The following TULP4 variants were observed in gnomAD, a reference collection of about 807,000 sequenced individuals.
TULP4 encodes TUB like protein 4, also known as tubby-related protein 4.
A neutral mutation model predicts 129.0 loss-of-function variants in TULP4; 16 were observed. The observed-to-expected ratio is 0.12, with a 90% CI of 0.08 to 0.19. The LOEUF is 0.19. Ranked by LOEUF, TULP4 falls within the 10% of genes least tolerant of loss-of-function variation. The probability of loss-of-function intolerance (pLI) is 1.00; values close to 1 mark genes in which losing one functional copy is unlikely to be tolerated. For synonymous variants in TULP4, 998 were observed against 854.0 expected (o/e 1.17, Z -2.94); for missense variants, 1,842 against 2,059.1 (o/e 0.89, Z 2.04).
intron 1 of TULP4, among the ~76,000 whole-genome samples, chr6:158,381,146 G>A (rs1324787099): frequency 8.5e-6 from 1 of 117,326 alleles, no homozygotes; most frequent in Non-Finnish European, 1.8e-5. Context: ...CAAGAAGATA[G>A]GTGCTTTATG....
At chr6:158,308,603 C>T (rs1208903470), upstream of TULP4, among the ~76,000 whole-genome samples, 13 of 150,218 alleles carry the variant, frequency 8.7e-5, no homozygotes, top group East Asian at 4.0e-4. Context: ...CCTCACCTCC[C>T]GGACGGGGCG....
intron 1 of TULP4, among the ~76,000 whole-genome samples, chr6:158,328,131 TGCGTGC>T (rs1779791940): frequency 1.8e-5 from 1 of 56,428 alleles, no homozygotes; most frequent in Admixed American, 1.4e-4. Flanking sequence ...TGTGTGTGCG[TGCGTGC>T]TGGGAAAGAG....
At chr6:158,242,168 C>G in intron 1 of TULP4, 1 of 1,144,678 alleles carries the variant, frequency 8.7e-7, no homozygotes, top group Non-Finnish European at 1.3e-6. Flanking sequence ...GCCTGTGGGT[C>G]TTCCTCAGTC....
In TULP4 at chr6:158,510,912, C is replaced by T. The variant is rs1780725889; in HGVS notation, c.*4218C>T. On this transcript the variant is annotated 3_prime_UTR_variant, in exon 14 of 14. Transcript: ENST00000367097. ...CAACTGGAGAAGGAGTCCATGGTGT[C>T]GCTGTGTGCCTGTATCATTTGGCCA... The T allele has an allele frequency of 6.6e-6, 1 of 152,240 alleles. No homozygotes were observed. The highest frequency in any genetic ancestry group is 2.1e-4 in the South Asian group (1 of 4,834). 9.4% of individuals were successfully genotyped at this position (152,240 alleles called of 1,614,324 possible).
intron 1 of TULP4, among the ~76,000 whole-genome samples, chr6:158,359,200 A>C (rs1455602150): frequency 6.6e-6 from 1 of 152,174 alleles, no homozygotes; most frequent in Non-Finnish European, 1.5e-5. Context: ...CTTCGTTTAC[A>C]GTGGTCTCTA....
At chr6:158,506,260 TCTC>T (rs1451197420) in intron 13 of TULP4, among the ~76,000 whole-genome samples, 4 of 110,740 alleles carry the variant, frequency 3.6e-5, no homozygotes, top group South Asian at 6.4e-4. Context: ...TGAGATGAAG[TCTC>T]CTCTGTCGCC....
chr6:158,499,084 C>T (rs556714088), intron 12 of TULP4, among the ~76,000 whole-genome samples: 1 of 152,322 alleles, frequency 6.6e-6, no homozygotes, highest in South Asian at 2.1e-4. Flanking sequence ...TAACATCTGG[C>T]TTTATCCTCA....
intron 1 of TULP4, among the ~76,000 whole-genome samples, chr6:158,370,698 G>C (rs984972438): frequency 3.9e-5 from 6 of 152,136 alleles, no homozygotes; most frequent in Non-Finnish European, 8.8e-5. Context: ...TCTTGAAACT[G>C]TTCATCAGAG....
intron 5 of TULP4, among the ~76,000 whole-genome samples, chr6:158,460,282 C>G (rs1182999993): frequency 6.6e-6 from 1 of 152,186 alleles, no homozygotes; most frequent in African/African-American, 2.4e-5. Context: ...CATGTGTGTG[C>G]TGATAGAGCC....
chr6:158,430,016 A>G (rs1172643950), intron 3 of TULP4, 119 bp downstream of exon 3: 1 of 944,516 alleles, frequency 1.1e-6, no homozygotes, highest in Non-Finnish European at 1.5e-6. Context: ...AATGGAAAAG[A>G]ACAATAAAAC....
At chr6:158,359,566 C>A (rs192743165) in intron 1 of TULP4, among the ~76,000 whole-genome samples, 8 of 152,242 alleles carry the variant, frequency 5.3e-5, no homozygotes, top group Admixed American at 2.6e-4. Flanking sequence ...AGTCTAATCT[C>A]TCCACGTTCT....
intron 3 of TULP4, among the ~76,000 whole-genome samples, chr6:158,447,175 A>G (rs575190628): frequency 1.3e-5 from 2 of 152,330 alleles, no homozygotes; most frequent in Admixed American, 6.5e-5. Context: ...CACCAAGTAC[A>G]TTAAACATCT....
rs534775747 is a variant in TULP4, at chr6:158,297,980, G to A, written n.117-14071G>A. Among the ~76,000 whole-genome samples, 6 of 152,180 alleles carry A rather than the reference G, an allele frequency of 3.9e-5. No homozygotes were observed. In the South Asian group the frequency reaches 1.2e-3, roughly 32 times the overall value. On this transcript the variant is annotated intron_variant and non_coding_transcript_variant, in intron 1 of 1. Transcript: ENST00000432358. ...GACATTCCCAGAGCGGCCGTTTATA[G>A]ACCTCCCCCTAGGAATGCAATTCTT...
At chr6:158,364,335 A>T (rs1315384825) in intron 1 of TULP4, among the ~76,000 whole-genome samples, 1 of 152,216 alleles carries the variant, frequency 6.6e-6, no homozygotes, top group African/African-American at 2.4e-5. Context: ...GGTCTCAGCC[A>T]TGAATTAAGA....
At chr6:158,349,068 A>G (rs538349455) in intron 1 of TULP4, among the ~76,000 whole-genome samples, 2,623 of 13,578 alleles carry the variant, frequency 0.19, 13 homozygotes, top group Middle Eastern at 0.38. Context: ...CGGGGCGGCC[A>G]GGCAGAGGCG....
chr6:158,264,611 C>T (rs559285904), intron 1 of TULP4, among the ~76,000 whole-genome samples: 4 of 152,138 alleles, frequency 2.6e-5, no homozygotes, highest in Admixed American at 6.5e-5. Flanking sequence ...AAGTCCCTGA[C>T]GCTACTAGAT....
intron 3 of TULP4, among the ~76,000 whole-genome samples, chr6:158,440,770 CT>C (rs1030751968): frequency 1.3e-5 from 2 of 152,152 alleles, no homozygotes; most frequent in African/African-American, 4.8e-5. Flanking sequence ...TTAGTTATTT[CT>C]TTTTGCGTGT....
At chr6:158,397,630 C>G (rs1777748616) in intron 1 of TULP4, among the ~76,000 whole-genome samples, 1 of 151,988 alleles carries the variant, frequency 6.6e-6, no homozygotes, top group Non-Finnish European at 1.5e-5. Context: ...AATTCTTCTT[C>G]CAGTGTGGCC....
chr6:158,395,371 G>A lies in TULP4; in HGVS notation c.253-17694G>A, dbSNP rs565427267. On this transcript the variant is annotated intron_variant, in intron 1 of 13. Transcript: ENST00000367097. ...TGAGGCAGGCGGATCACCTAAGGTC[G>A]GGAGTTTGAGACCAGCCTGACCAGC... is the stretch of plus-strand genomic sequence containing the variant. Among the ~76,000 whole-genome samples, 552 of 151,922 alleles carry A rather than the reference G, an allele frequency of 3.6e-3. 3 individuals are homozygous for A. Among genetic ancestry groups the A allele is most frequent in the African/African-American group, 0.012 (499 of 41,430 alleles).
Sources: allele counts gnomAD v4.1 joint callset (sites outside exome capture counted in the v4.1 genomes callset), GRCh38; gene constraint gnomAD v4.1.1; transcripts MANE v1.5; gene names NCBI Gene and HGNC (gene_info 2026-07-23, HGNC 2026-07-21).